Variants in ANXA10 observed in about 807,000 individuals in gnomAD.
The protein encoded by ANXA10 is annexin A10.
ANXA10 carries 49 observed loss-of-function variants against 53.5 expected under a neutral mutation model. The observed-to-expected ratio is 0.92, with a 90% CI of 0.73 to 1.16. ANXA10 has a LOEUF of 1.16. ANXA10 is among the 50% of genes most tolerant of loss of function. The probability of loss-of-function intolerance (pLI) is 0.00; values close to 1 mark genes in which losing one functional copy is unlikely to be tolerated. For missense variants in ANXA10, 393 were observed against 394.4 expected (o/e 1.00, Z 0.03); for synonymous variants, 131 against 128.9 (o/e 1.02, Z -0.11).
chr4:168,115,630 T>G (rs1179194364), intron 1 of ANXA10, among the ~76,000 whole-genome samples: 1 of 152,056 alleles, frequency 6.6e-6, no homozygotes, highest in Non-Finnish European at 1.5e-5. Flanking sequence ...AATGGAAACG[T>G]TTTTGTTCAC....
At chr4:168,141,879 T>C (rs943998969) in intron 3 of ANXA10, among the ~76,000 whole-genome samples, 1 of 152,102 alleles carries the variant, frequency 6.6e-6, no homozygotes, top group Non-Finnish European at 1.5e-5. Context: ...CCCTGCCTAG[T>C]TTCCACCCCA....
chr4:168,138,617 T>C (rs1731278406), intron 2 of ANXA10, among the ~76,000 whole-genome samples: 1 of 152,192 alleles, frequency 6.6e-6, no homozygotes, highest in Non-Finnish European at 1.5e-5. Flanking sequence ...TTGTTTGTCA[T>C]AATTCTAGGA....
intron 6 of ANXA10, 139 bp from the exon 7 acceptor site, chr4:168,177,601 G>A (rs1560791996): frequency 2.6e-6 from 2 of 760,470 alleles, no homozygotes; most frequent in Non-Finnish European, 4.4e-6. Context: ...ATGAAATCAG[G>A]AAATGAACAC....
chr4:168,176,419 G>A (rs1732128831), intron 6 of ANXA10, among the ~76,000 whole-genome samples: 1 of 152,090 alleles, frequency 6.6e-6, no homozygotes, highest in Admixed American at 6.6e-5. Context: ...CTCCCCCAAA[G>A]GTCTAGCTGT....
chr4:168,093,109 C>T lies in ANXA10; in HGVS notation c.18+391C>T, dbSNP rs549612659. ...TAAATCCATGCTAATTTTGAAACAA[C>T]GTATTATCCCACAGAGGCAAGTTAC... On this transcript the variant is annotated intron_variant, in intron 1 of 11. Coordinates refer to ENST00000359299, the MANE Select transcript of ANXA10 (RefSeq NM_007193.5). Among the ~76,000 whole-genome samples, 17 of 152,086 alleles carry T rather than the reference C, an allele frequency of 1.1e-4. 1 individual carries two copies. Among genetic ancestry groups the T allele is most frequent in the African/African-American group, 3.1e-4 (13 of 41,516 alleles).
At chr4:168,155,420 A>G (rs1241712506) in intron 3 of ANXA10, among the ~76,000 whole-genome samples, 1 of 90,988 alleles carries the variant, frequency 1.1e-5, no homozygotes, top group East Asian at 2.4e-4. Flanking sequence ...TATACATTAT[A>G]TTATATATAA....
At chr4:168,121,020 T>C (rs1212651534) in intron 1 of ANXA10, among the ~76,000 whole-genome samples, 1 of 152,108 alleles carries the variant, frequency 6.6e-6, no homozygotes, top group Non-Finnish European at 1.5e-5. Context: ...TTCAATATAT[T>C]TCTGTTACTT....
At chr4:168,154,089 C>T (rs1183999754) in intron 3 of ANXA10, among the ~76,000 whole-genome samples, 5 of 152,008 alleles carry the variant, frequency 3.3e-5, no homozygotes, top group Admixed American at 2.6e-4. Flanking sequence ...GTCTACAATT[C>T]AGCATTAGTA....
At chr4:168,105,913 C>G (rs1003331858) in intron 1 of ANXA10, among the ~76,000 whole-genome samples, 2 of 152,030 alleles carry the variant, frequency 1.3e-5, no homozygotes, top group Admixed American at 1.3e-4. Context: ...TATATGTCTT[C>G]TTTTTAAAAG....
chr4:168,114,495 A>G (rs1730859320), intron 1 of ANXA10, among the ~76,000 whole-genome samples: 1 of 152,236 alleles, frequency 6.6e-6, no homozygotes, highest in African/African-American at 2.4e-5. Context: ...GCACATGTAT[A>G]GTGTCCCCTC....
chr4:168,126,443 C>T (rs1731070917), intron 1 of ANXA10, among the ~76,000 whole-genome samples: 1 of 152,132 alleles, frequency 6.6e-6, no homozygotes, highest in African/African-American at 2.4e-5. Flanking sequence ...ACCACTGGAA[C>T]TCAAATCAAA....
intron 1 of ANXA10, among the ~76,000 whole-genome samples, chr4:168,101,551 C>G (rs1201436961): frequency 6.6e-6 from 1 of 151,966 alleles, no homozygotes; most frequent in East Asian, 1.9e-4. Flanking sequence ...CTACAAGATG[C>G]ATTAATCTAA....
At chr4:168,145,983 C>T (rs1456411068) in intron 3 of ANXA10, among the ~76,000 whole-genome samples, 1 of 151,578 alleles carries the variant, frequency 6.6e-6, no homozygotes, top group Non-Finnish European at 1.5e-5. Context: ...AGTGCAGTGG[C>T]ATGATCTTGG....
chr4:168,162,627 T>C lies in ANXA10; in HGVS notation c.295T>C (p.Trp99Arg). Residue 99 changes from tryptophan to arginine, a missense_variant, in exon 4 of 12, where the codon TGG becomes CGG. Trp to Arg is a moderately radical substitution (Grantham distance 101). Coordinates refer to ENST00000359299, the MANE Select transcript of ANXA10 (RefSeq NM_007193.5). The stretch of plus-strand genomic sequence containing the variant: ...ACCACTGTATGATGCTCATGAGCTC[T>C]GGCATGCCATGAAGGTAGTGATCTG... ...PPPLYDAHEL[W>R]HAMKGVGTDE... 1 of 1,613,818 alleles carries C rather than the reference T, an allele frequency of 6.2e-7. No individual in the cohort carries two copies. The highest frequency in any genetic ancestry group is 8.5e-7 in the Non-Finnish European group (1 of 1,179,778).
intron 4 of ANXA10, 29 bp downstream of exon 4, chr4:168,162,670 T>C (rs755072363): frequency 6.3e-7 from 1 of 1,577,738 alleles, no homozygotes; most frequent in East Asian, 2.2e-5. Flanking sequence ...AATATGCCTG[T>C]AACAAGTACA....
intron 3 of ANXA10, among the ~76,000 whole-genome samples, chr4:168,144,935 G>A (rs904590228): frequency 6.6e-6 from 1 of 152,144 alleles, no homozygotes; most frequent in Admixed American, 6.5e-5. Flanking sequence ...CAGCTGTACA[G>A]GAGACAGGAG....
intron 1 of ANXA10, among the ~76,000 whole-genome samples, chr4:168,102,421 A>C (rs184566997): frequency 6.6e-6 from 1 of 152,086 alleles, no homozygotes; most frequent in African/African-American, 2.4e-5. Flanking sequence ...CCAAACTCCA[A>C]ACTCTGGCAA....
chr4:168,099,849 A>G (rs1218619551), intron 1 of ANXA10, among the ~76,000 whole-genome samples: 3 of 152,054 alleles, frequency 2.0e-5, no homozygotes, highest in Non-Finnish European at 1.5e-5. Context: ...GGCAGAGGGA[A>G]ATCAGTATCA....
intron 6 of ANXA10, among the ~76,000 whole-genome samples, chr4:168,167,333 GA>G (rs1731899011): frequency 6.6e-6 from 1 of 152,142 alleles, no homozygotes; most frequent in African/African-American, 2.4e-5. Flanking sequence ...TAAATTATGT[GA>G]GATATGTAAC....
Sources: gnomAD v4.1 joint callset for allele counts (sites outside exome capture counted in the v4.1 genomes callset) on GRCh38, gnomAD v4.1.1 for gene constraint, MANE v1.5 for transcripts, NCBI Gene and HGNC (gene_info 2026-07-23, HGNC 2026-07-21) for gene names.